Variants in GLRA2 observed in about 807,000 individuals in gnomAD.
GLRA2 encodes glycine receptor alpha 2.
In GLRA2, 11 loss-of-function variants were observed where a neutral mutation model predicts 31.6. That is an observed-to-expected ratio of 0.35 (90% CI 0.22 to 0.58). GLRA2 has a LOEUF of 0.58. Among genes scored for constraint, GLRA2 ranks in the 20% least tolerant of loss-of-function variants. The pLI, the probability that GLRA2 is intolerant of heterozygous loss-of-function variation, is 0.84. For synonymous variants in GLRA2, 132 were observed against 134.0 expected (o/e 0.99, Z 0.10); for missense variants, 212 against 351.8 (o/e 0.60, Z 3.18).
Position 14,587,571 on chromosome X carries a change from A to G in GLRA2, c.494+6165A>G, listed in dbSNP as rs150051922. 4.1e-3 allele frequency among the ~76,000 whole-genome samples: 456 copies of G among 111,868 alleles called. 5 individuals are homozygous for G. The highest frequency in any genetic ancestry group is 0.013 in the African/African-American group (410 of 30,769). ...TGAACATTTTCTCCTATGTTTGTTG[A>G]CCATGTGTATGTCTTCTTTTGAGAA... On this transcript the variant is annotated intron_variant, in intron 4 of 8. Transcript: ENST00000218075.
intron 7 of GLRA2, among the ~76,000 whole-genome samples, chrX:14,644,814 G>C (rs1486408234): frequency 8.9e-6 from 1 of 111,996 alleles, no homozygotes; most frequent in African/African-American, 3.2e-5. Context: ...GTCAAATGCT[G>C]ATTTGAGGGA....
At chrX:14,553,159 C>T (rs144391506) in intron 2 of GLRA2, among the ~76,000 whole-genome samples, 65 of 111,755 alleles carry the variant, frequency 5.8e-4, no homozygotes, top group African/African-American at 2.0e-3. Flanking sequence ...TATCAAAATC[C>T]GGACATAGAA....
At chrX:14,497,303 A>G in the GLRA2 span, among the ~76,000 whole-genome samples, 5 of 112,166 alleles carry the variant, frequency 4.5e-5, no homozygotes, top group South Asian at 3.6e-4. Context: ...GTAAGCTTTC[A>G]TGATGATTTC....
intron 8 of GLRA2, among the ~76,000 whole-genome samples, chrX:14,729,332 C>A (rs2091964021): frequency 9.0e-6 from 1 of 111,287 alleles, no homozygotes; most frequent in Non-Finnish European, 1.9e-5. Context: ...TAAGTCATTT[C>A]AATCCCAGCT....
chrX:14,583,518 C>T (rs975818062), intron 4 of GLRA2, among the ~76,000 whole-genome samples: 2 of 112,065 alleles, frequency 1.8e-5, no homozygotes, highest in South Asian at 3.7e-4. Context: ...ATGGGTGGAT[C>T]ACGAGGTCAG....
chrX:14,462,725 G>C, the GLRA2 span, among the ~76,000 whole-genome samples: 4 of 111,300 alleles, frequency 3.6e-5, no homozygotes, highest in Non-Finnish European at 7.6e-5. Flanking sequence ...TCTCTACGCT[G>C]TTCTAGTTAG....
At chrX:14,468,001 T>C in the GLRA2 span, among the ~76,000 whole-genome samples, 1 of 111,839 alleles carries the variant, frequency 8.9e-6, no homozygotes. Flanking sequence ...CCAAATGTTC[T>C]AAGGCGTGAG....
intron 7 of GLRA2, among the ~76,000 whole-genome samples, chrX:14,610,356 A>G (rs1370070119): frequency 9.0e-6 from 1 of 111,691 alleles, no homozygotes; most frequent in Non-Finnish European, 1.9e-5. Context: ...ATATTTACAC[A>G]ACTTATTAAG....
chrX:14,514,510 T>C, the GLRA2 span, among the ~76,000 whole-genome samples: 1 of 111,933 alleles, frequency 8.9e-6, no homozygotes, highest in Non-Finnish European at 1.9e-5. Flanking sequence ...AATTGTCATT[T>C]AACATTCTCA....
chrX:14,708,638 A>G lies in GLRA2; in HGVS notation c.1080+17779A>G, dbSNP rs145547601. On this transcript the variant is annotated intron_variant, in intron 8 of 8. Transcript: ENST00000218075. ...CCCAATTATACAGCACACAGCTGGG[A>G]GAAAAGAGAGACATCAGGCCAGGCG... is the stretch of plus-strand genomic sequence containing the variant. Among the ~76,000 whole-genome samples, 354 of 111,666 alleles carry G rather than the reference A, an allele frequency of 3.2e-3. 1 individual carries two copies. The highest frequency in any genetic ancestry group is 0.01 in the African/African-American group (320 of 30,765).
chrX:14,634,138 A>G (rs900510890), intron 7 of GLRA2, among the ~76,000 whole-genome samples: 5 of 110,703 alleles, frequency 4.5e-5, no homozygotes, highest in African/African-American at 1.6e-4. Context: ...TAGTAGAGAC[A>G]GGGTTTCACC....
intron 8 of GLRA2, among the ~76,000 whole-genome samples, chrX:14,726,647 C>A (rs1168249055): frequency 1.8e-5 from 2 of 112,359 alleles, no homozygotes; most frequent in Admixed American, 9.4e-5. Flanking sequence ...TGACGATGTA[C>A]AATATAATGA....
At chrX:14,686,691 T>G in intron 7 of GLRA2, among the ~76,000 whole-genome samples, 1 of 111,915 alleles carries the variant, frequency 8.9e-6, no homozygotes. Context: ...CATCCCTTTA[T>G]TTTGAGCCTA....
At chrX:14,531,525 T>A (rs1421858893) in intron 1 of GLRA2, among the ~76,000 whole-genome samples, 1 of 111,446 alleles carries the variant, frequency 9.0e-6, no homozygotes, top group Non-Finnish European at 1.9e-5. Flanking sequence ...AAAGTCAAAA[T>A]GATTTAGAAG....
At chrX:14,655,508 T>C (rs972880176) in intron 7 of GLRA2, among the ~76,000 whole-genome samples, 5 of 111,535 alleles carry the variant, frequency 4.5e-5, no homozygotes, top group African/African-American at 1.6e-4. Flanking sequence ...GATTATGTTC[T>C]CCATGTTAAA....
At chrX:14,570,840 C>T (rs1388290417) in intron 2 of GLRA2, among the ~76,000 whole-genome samples, 1 of 111,492 alleles carries the variant, frequency 9.0e-6, no homozygotes, top group Non-Finnish European at 1.9e-5. Flanking sequence ...TGATATATAG[C>T]AACAAAGAAG....
intron 7 of GLRA2, among the ~76,000 whole-genome samples, chrX:14,648,310 T>C (rs2090854333): frequency 9.0e-6 from 1 of 111,580 alleles, no homozygotes; most frequent in Admixed American, 9.5e-5. Context: ...TATGATATTA[T>C]GAAAATACAG....
At chrX:14,666,976 T>C (rs2091043619) in intron 7 of GLRA2, among the ~76,000 whole-genome samples, 1 of 112,197 alleles carries the variant, frequency 8.9e-6, no homozygotes, top group Non-Finnish European at 1.9e-5. Context: ...GTAAAACAGA[T>C]TACACAAGGG....
In GLRA2 at chrX:14,571,417, C is replaced by T. The variant is rs747763361; in HGVS notation, c.203-2916C>T. ...AAAAAAACAGTTATCTACAATTCAA[C>T]CCAAAGAACTTGCAGGTCAACTTCC... is the stretch of plus-strand genomic sequence containing the variant. On this transcript the variant is annotated intron_variant, in intron 2 of 8. Coordinates refer to ENST00000218075, the MANE Select transcript of GLRA2 (RefSeq NM_002063.4). Among the ~76,000 whole-genome samples, 19 of 111,925 alleles carry T rather than the reference C, an allele frequency of 1.7e-4. 1 individual carries two copies. In the South Asian group the frequency reaches 6.0e-3, roughly 35 times the overall value.
Sources: allele counts gnomAD v4.1 joint callset (sites outside exome capture counted in the v4.1 genomes callset), GRCh38; gene constraint gnomAD v4.1.1; transcripts MANE v1.5; gene names NCBI Gene and HGNC (gene_info 2026-07-23, HGNC 2026-07-21).